CAMKMT: variants seen among roughly 807,000 people sequenced by gnomAD.
CAMKMT encodes CaM KMT.
CAMKMT carries 53 observed loss-of-function variants against 48.0 expected under a neutral mutation model. The observed-to-expected ratio is 1.10, with a 90% CI of 0.89 to 1.39. The LOEUF (loss-of-function observed/expected upper bound fraction) is 1.39, where lower values mean the gene tolerates loss of function less well. Among genes scored for constraint, CAMKMT ranks in the 40% most tolerant of loss-of-function variants. The probability of loss-of-function intolerance (pLI) is 0.00; values close to 1 mark genes in which losing one functional copy is unlikely to be tolerated. For missense variants in CAMKMT, 428 were observed against 402.7 expected, an observed-to-expected ratio of 1.06 and a Z score of -0.54; for synonymous variants, 165 against 152.3, an observed-to-expected ratio of 1.08 and a Z score of -0.61.
chr2:44,621,995 G>T (rs1442491419), intron 3 of CAMKMT, among the ~76,000 whole-genome samples: 1 of 152,192 alleles, frequency 6.6e-6, no homozygotes, highest in Non-Finnish European at 1.5e-5. Context: ...GATTAGATGT[G>T]AGGGATGTTG....
At chr2:44,514,813 G>A (rs1054936251) in intron 3 of CAMKMT, among the ~76,000 whole-genome samples, 10 of 152,162 alleles carry the variant, frequency 6.6e-5, no homozygotes, top group African/African-American at 1.2e-4. Flanking sequence ...AATGATATTC[G>A]TGCCTAGATT....
intron 3 of CAMKMT, among the ~76,000 whole-genome samples, chr2:44,427,834 GTTCCTT>G (rs1372827633): frequency 6.6e-6 from 1 of 152,160 alleles, no homozygotes; most frequent in Non-Finnish European, 1.5e-5. Context: ...AAATGGGAGA[GTTCCTT>G]TGACCCCCTC....
At chr2:44,560,372 G>A (rs1272739822) in intron 3 of CAMKMT, among the ~76,000 whole-genome samples, 2 of 152,132 alleles carry the variant, frequency 1.3e-5, no homozygotes, top group Non-Finnish European at 2.9e-5. Context: ...GGGCTCAAGC[G>A]ATCCTCCCAC....
chr2:44,700,588 T>C (rs1247714310), intron 3 of CAMKMT, among the ~76,000 whole-genome samples: 1 of 152,180 alleles, frequency 6.6e-6, no homozygotes, highest in East Asian at 1.9e-4. Flanking sequence ...GAATGCCGAC[T>C]GGTGGAGAAG....
chr2:44,739,650 C>T (rs1040915555), intron 7 of CAMKMT, among the ~76,000 whole-genome samples: 2 of 152,094 alleles, frequency 1.3e-5, no homozygotes, highest in African/African-American at 4.8e-5. Flanking sequence ...CTAAATTTAG[C>T]AATGTGGAGA....
At chr2:44,415,812 T>G (rs1316095187) in intron 3 of CAMKMT, among the ~76,000 whole-genome samples, 3 of 152,166 alleles carry the variant, frequency 2.0e-5, no homozygotes, top group African/African-American at 7.2e-5. Context: ...GTATTTTGCA[T>G]CCCCTTATAC....
chr2:44,510,378 A>G (rs1257116813), intron 3 of CAMKMT, among the ~76,000 whole-genome samples: 1 of 152,194 alleles, frequency 6.6e-6, no homozygotes, highest in African/African-American at 2.4e-5. Flanking sequence ...AGTTTAAACT[A>G]GAATATTACA....
chr2:44,760,408 A>G (rs567002586), intron 9 of CAMKMT, among the ~76,000 whole-genome samples: 3 of 152,152 alleles, frequency 2.0e-5, no homozygotes, highest in African/African-American at 4.8e-5. Flanking sequence ...ATGGCCATCG[A>G]GACCATCCTG....
chr2:44,503,546 AAGGGAAG>A (rs1670107716), intron 3 of CAMKMT, among the ~76,000 whole-genome samples: 1 of 152,196 alleles, frequency 6.6e-6, no homozygotes, highest in African/African-American at 2.4e-5. Context: ...TTGGTGATAA[AAGGGAAG>A]AGGACCTTTG....
intron 3 of CAMKMT, among the ~76,000 whole-genome samples, chr2:44,609,814 C>T (rs1351440537): frequency 9.2e-5 from 14 of 152,226 alleles, no homozygotes; most frequent in East Asian, 3.9e-4. Context: ...GGGCTCTTAA[C>T]GCCTCCTGCT....
At chr2:44,517,020 G>A (rs757826919) in intron 3 of CAMKMT, among the ~76,000 whole-genome samples, 1 of 152,090 alleles carries the variant, frequency 6.6e-6, no homozygotes, top group Non-Finnish European at 1.5e-5. Context: ...GGGATTACAG[G>A]CATGAGCCAC....
chr2:44,515,073 A>G (rs1670768821), intron 3 of CAMKMT, among the ~76,000 whole-genome samples: 2 of 152,234 alleles, frequency 1.3e-5, no homozygotes, highest in Admixed American at 6.5e-5. Flanking sequence ...CTTAATCTCT[A>G]TGTTTTAACT....
intron 3 of CAMKMT, among the ~76,000 whole-genome samples, chr2:44,594,286 T>G (rs1393997110): frequency 5.3e-5 from 8 of 152,198 alleles, no homozygotes; most frequent in African/African-American, 1.7e-4. Context: ...ACCATTGACT[T>G]TCTTCACAGA....
At chr2:44,473,946 G>A (rs1668551600) in intron 3 of CAMKMT, among the ~76,000 whole-genome samples, 2 of 152,082 alleles carry the variant, frequency 1.3e-5, no homozygotes, top group African/African-American at 2.4e-5. Flanking sequence ...TACCCATGAG[G>A]CACCATCCAA....
chr2:44,717,372 C>T (rs1678228596), intron 7 of CAMKMT, among the ~76,000 whole-genome samples: 1 of 152,080 alleles, frequency 6.6e-6, no homozygotes, highest in African/African-American at 2.4e-5. Context: ...CTTGAAATGC[C>T]TTGATCTTAT....
intron 3 of CAMKMT, among the ~76,000 whole-genome samples, chr2:44,527,822 A>G: frequency 8.8e-6 from 1 of 113,068 alleles, no homozygotes; most frequent in Admixed American, 1.3e-4. Context: ...AATGTTTGTT[A>G]CATTTGTTAC....
At position 44,707,427 on chromosome 2, in the gene CAMKMT, T is replaced by C. The variant is rs1330955791; in HGVS notation, c.521T>C (p.Val174Ala). The change falls in exon 6 of 11, where the codon GTT becomes GCT. Residue 174 changes from valine to alanine, a missense_variant. Val to Ala is a moderately conservative substitution (Grantham distance 64). Coordinates refer to ENST00000378494, the MANE Select transcript of CAMKMT (RefSeq NM_024766.5). ...GCTATTTCTGCAGATGTCAAAGAAG[T>C]TCTGTTAACTGATGGGAATGAAAAG... ...MVAISADVKE[V>A]LLTDGNEKAI... The C allele has an allele frequency of 1.2e-6, 2 of 1,612,730 alleles. No homozygotes were observed. Among genetic ancestry groups the C allele is most frequent in the East Asian group, 4.5e-5 (2 of 44,812 alleles).
At chr2:44,682,999 C>G (rs1414519706) in intron 3 of CAMKMT, among the ~76,000 whole-genome samples, 1 of 151,986 alleles carries the variant, frequency 6.6e-6, no homozygotes, top group East Asian at 1.9e-4. Context: ...CAAACAGAAG[C>G]CCAATTATAT....
chr2:44,604,176 A>G (rs549517571), intron 3 of CAMKMT, among the ~76,000 whole-genome samples: 105 of 152,310 alleles, frequency 6.9e-4, no homozygotes, highest in African/African-American at 2.5e-3. Flanking sequence ...TAGAGGTACA[A>G]TTTAGAATTA....
Sources: gnomAD v4.1 joint callset for allele counts (sites outside exome capture counted in the v4.1 genomes callset) on GRCh38, gnomAD v4.1.1 for gene constraint, MANE v1.5 for transcripts, NCBI Gene and HGNC (gene_info 2026-07-23, HGNC 2026-07-21) for gene names.